The following RAB38 variants were observed in gnomAD, a reference collection of about 807,000 sequenced individuals.
RAB38 encodes RAB38, member RAS oncogene family.
In RAB38, 15 loss-of-function variants were observed where a neutral mutation model predicts 18.4. The observed-to-expected ratio is 0.82, with a 90% confidence interval of 0.55 to 1.26. The LOEUF is 1.26. Among genes scored for constraint, RAB38 ranks in the 50% most tolerant of loss-of-function variants. The pLI, the probability that RAB38 is intolerant of heterozygous loss-of-function variation, is 0.00. For missense variants in RAB38, 294 were observed against 267.4 expected, an observed-to-expected ratio of 1.10 and a Z score of -0.69; for synonymous variants, 101 against 104.4, an observed-to-expected ratio of 0.97 and a Z score of 0.20.
chr11:88,069,488 T>C, the RAB38 span, among the ~76,000 whole-genome samples: 1 of 152,198 alleles, frequency 6.6e-6, no homozygotes, highest in Admixed American at 6.5e-5. Flanking sequence ...CGGGATCCAC[T>C]AGGTGAAGCC....
At chr11:87,874,958 A>T in the RAB38 span, among the ~76,000 whole-genome samples, 2 of 151,512 alleles carry the variant, frequency 1.3e-5, no homozygotes, top group African/African-American at 4.8e-5. Context: ...ATATATTCAA[A>T]GGAGTTGAAA....
At chr11:87,826,936 A>G in the RAB38 span, among the ~76,000 whole-genome samples, 3 of 152,164 alleles carry the variant, frequency 2.0e-5, no homozygotes, top group African/African-American at 7.2e-5. Flanking sequence ...AATTATATAT[A>G]GAATAGAAGA....
chr11:88,051,481 G>A, the RAB38 span, among the ~76,000 whole-genome samples: 28 of 151,656 alleles, frequency 1.8e-4, no homozygotes, highest in Non-Finnish European at 3.4e-4. Context: ...AACTGACATT[G>A]GAACAATAGA....
At chr11:88,076,483 G>C in the RAB38 span, among the ~76,000 whole-genome samples, 1 of 152,094 alleles carries the variant, frequency 6.6e-6, no homozygotes, top group African/African-American at 2.4e-5. Flanking sequence ...AGTCAAATTA[G>C]CTATGTTCAC....
chr11:88,053,276 A>G, the RAB38 span, among the ~76,000 whole-genome samples: 3 of 133,608 alleles, frequency 2.2e-5, no homozygotes, highest in African/African-American at 5.7e-5. Flanking sequence ...ATACACACAC[A>G]TATATATGGA....
chr11:88,121,967 T>C (rs1343407425), intron 2 of RAB38, among the ~76,000 whole-genome samples: 1 of 152,236 alleles, frequency 6.6e-6, no homozygotes, highest in African/African-American at 2.4e-5. Flanking sequence ...ATCGCAAAAG[T>C]TACGAACAAA....
At chr11:88,091,845 G>C in the RAB38 span, among the ~76,000 whole-genome samples, 6 of 152,016 alleles carry the variant, frequency 3.9e-5, no homozygotes, top group African/African-American at 1.4e-4. Context: ...CTCACAGGTA[G>C]TGTGCCCAGA....
At chr11:87,959,335 A>G in the RAB38 span, among the ~76,000 whole-genome samples, 1 of 152,310 alleles carries the variant, frequency 6.6e-6, no homozygotes, top group East Asian at 1.9e-4. Context: ...TACCTTATGT[A>G]ATTTGTACTT....
At chr11:87,976,342 T>C in the RAB38 span, among the ~76,000 whole-genome samples, 1 of 143,220 alleles carries the variant, frequency 7.0e-6, no homozygotes, top group Non-Finnish European at 1.5e-5. Flanking sequence ...TGTAGGTATA[T>C]ATATAAAATA....
chr11:87,893,913 A>G, the RAB38 span, among the ~76,000 whole-genome samples: 2 of 151,680 alleles, frequency 1.3e-5, no homozygotes, highest in Non-Finnish European at 3.0e-5. Context: ...TTGAGATTCC[A>G]TATGAATCTT....
chr11:88,103,036 C>T, the RAB38 span, among the ~76,000 whole-genome samples: 1 of 151,830 alleles, frequency 6.6e-6, no homozygotes, highest in Non-Finnish European at 1.5e-5. Context: ...TGTAATTTAA[C>T]CTTGAGATTT....
chr11:87,910,169 A>T, the RAB38 span, among the ~76,000 whole-genome samples: 10 of 151,386 alleles, frequency 6.6e-5, no homozygotes, highest in African/African-American at 2.4e-4. Context: ...AATTATGTTG[A>T]GCATGGTATC....
At chr11:87,851,162 G>C in the RAB38 span, among the ~76,000 whole-genome samples, 1 of 152,216 alleles carries the variant, frequency 6.6e-6, no homozygotes, top group East Asian at 1.9e-4. Flanking sequence ...ATAATAATTA[G>C]ACACCTCTTA....
the RAB38 span, among the ~76,000 whole-genome samples, chr11:88,023,210 G>T: frequency 6.6e-6 from 1 of 152,044 alleles, no homozygotes; most frequent in Non-Finnish European, 1.5e-5. Flanking sequence ...AAGTAAAGTT[G>T]TAAGGATACA....
chr11:87,888,813 A>G, the RAB38 span, among the ~76,000 whole-genome samples: 1 of 151,894 alleles, frequency 6.6e-6, no homozygotes. Context: ...ACGTAGCCCA[A>G]TGGATTGGTT....
the RAB38 span, among the ~76,000 whole-genome samples, chr11:87,887,143 C>T: frequency 6.6e-6 from 1 of 151,930 alleles, no homozygotes; most frequent in Non-Finnish European, 1.5e-5. Context: ...AGGCTTGAGA[C>T]TATCATCCTC....
chr11:87,863,904 G>A, the RAB38 span, among the ~76,000 whole-genome samples: 1 of 151,658 alleles, frequency 6.6e-6, no homozygotes, highest in South Asian at 2.1e-4. Context: ...TCCTATAAAT[G>A]AGTGCTGCCC....
chr11:88,092,338 GA>G, the RAB38 span, among the ~76,000 whole-genome samples: 1 of 36,476 alleles, frequency 2.7e-5, no homozygotes, highest in Non-Finnish European at 5.5e-5. Context: ...GAGAGAGAGA[GA>G]GAGAGAGGGA....
chr11:88,174,506 C>T (rs1386328), intron 1 of RAB38, among the ~76,000 whole-genome samples: 16,951 of 151,570 alleles, frequency 0.11, 1,148 homozygotes, highest in African/African-American at 0.18. Context: ...ACACAACCTC[C>T]TTTTCATAGA....
Sources: gnomAD v4.1 joint callset for allele counts (sites outside exome capture counted in the v4.1 genomes callset) on GRCh38, gnomAD v4.1.1 for gene constraint, MANE v1.5 for transcripts, NCBI Gene and HGNC (gene_info 2026-07-23, HGNC 2026-07-21) for gene names.